LMO7: variants seen among roughly 807,000 people sequenced by gnomAD.
The protein encoded by LMO7 is LIM domain only protein 7.
A neutral mutation model predicts 206.5 loss-of-function variants in LMO7; 120 were observed. That is an observed-to-expected ratio of 0.58 (90% CI 0.50 to 0.68). LMO7 has a LOEUF of 0.68. Ranked by LOEUF, LMO7 falls within the 30% of genes least tolerant of loss-of-function variation. The pLI, the probability that LMO7 is intolerant of heterozygous loss-of-function variation, is 0.00. For missense variants in LMO7, 1,959 were observed against 1,957.9 expected (o/e 1.00, Z -0.01); for synonymous variants, 706 against 681.5 (o/e 1.04, Z -0.56).
intron 6 of LMO7, among the ~76,000 whole-genome samples, chr13:75,799,208 G>A (rs1242354204): frequency 1.3e-5 from 2 of 152,126 alleles, no homozygotes; most frequent in African/African-American, 4.8e-5. Context: ...ATGAATTGAC[G>A]GTATTAGATC....
chr13:75,798,090 G>A (rs935787515), intron 6 of LMO7, among the ~76,000 whole-genome samples: 1 of 152,182 alleles, frequency 6.6e-6, no homozygotes, highest in Non-Finnish European at 1.5e-5. Context: ...TATGTGGGGG[G>A]CTGGGCACAG....
chr13:75,760,362 T>G (rs2048055058), intron 3 of LMO7: 4 of 1,010,740 alleles, frequency 4.0e-6, no homozygotes, highest in Non-Finnish European at 4.7e-6. Context: ...ACTAGGTTTC[T>G]CCTCAGTCCT....
chr13:75,686,544 T>TTTG (rs398023481), intron 1 of LMO7, among the ~76,000 whole-genome samples: 1 of 150,990 alleles, frequency 6.6e-6, no homozygotes, highest in Non-Finnish European at 1.5e-5. Context: ...TTTTTTTTTT[T>TTTG]AAACTCTCTG....
At chr13:75,707,517 A>T (rs1570553) in intron 1 of LMO7, among the ~76,000 whole-genome samples, 1 of 152,004 alleles carries the variant, frequency 6.6e-6, no homozygotes, top group Non-Finnish European at 1.5e-5. Flanking sequence ...ACAGAACGCC[A>T]TGAAACAATT....
chr13:75,735,635 T>A (rs996329012), intron 3 of LMO7, among the ~76,000 whole-genome samples: 4 of 151,418 alleles, frequency 2.6e-5, no homozygotes, highest in African/African-American at 4.8e-5. Flanking sequence ...CTAATTTTTT[T>A]TTTTTTTTGT....
chr13:75,718,493 A>C (rs1480849476), intron 2 of LMO7, among the ~76,000 whole-genome samples: 21 of 152,216 alleles, frequency 1.4e-4, no homozygotes, highest in Admixed American at 1.4e-3. Flanking sequence ...TTTTAAAAGA[A>C]CAGTTTTGGG....
intron 2 of LMO7, among the ~76,000 whole-genome samples, chr13:75,629,345 G>C (rs762524472): frequency 7.2e-5 from 11 of 152,038 alleles, no homozygotes; most frequent in Admixed American, 3.3e-4. Context: ...ACCAAGCCAG[G>C]CACTCTTAAA....
At chr13:75,786,361 C>G (rs567874225) in intron 4 of LMO7, among the ~76,000 whole-genome samples, 42 of 151,630 alleles carry the variant, frequency 2.8e-4, no homozygotes, top group African/African-American at 9.9e-4. Flanking sequence ...CCACTTCTCT[C>G]TCTACTTATT....
chr13:75,703,141 C>G (rs1413044337), intron 1 of LMO7, among the ~76,000 whole-genome samples: 1 of 152,174 alleles, frequency 6.6e-6, no homozygotes, highest in Non-Finnish European at 1.5e-5. Context: ...AAAACACAAC[C>G]AACTCCCTCA....
At chr13:75,702,113 T>C (rs754064993) in intron 1 of LMO7, among the ~76,000 whole-genome samples, 16 of 152,298 alleles carry the variant, frequency 1.1e-4, no homozygotes, top group East Asian at 1.9e-4. Flanking sequence ...CTTTTTTTTT[T>C]CCCTCAAAAT....
At chr13:75,699,324 A>C (rs1408999569) in intron 1 of LMO7, among the ~76,000 whole-genome samples, 2 of 152,120 alleles carry the variant, frequency 1.3e-5, no homozygotes, top group Non-Finnish European at 2.9e-5. Flanking sequence ...CACTGTGGTC[A>C]TAAGTTTTGC....
chr13:75,733,351 T>A (rs2045465539), intron 3 of LMO7, among the ~76,000 whole-genome samples: 1 of 152,194 alleles, frequency 6.6e-6, no homozygotes, highest in Non-Finnish European at 1.5e-5. Context: ...TCCCCCAGCC[T>A]CACTGCTGCC....
At chr13:75,857,027 T>C (rs2061016168) in intron 30 of LMO7, 1 of 154,732 alleles carries the variant, frequency 6.5e-6, no homozygotes, top group Admixed American at 6.4e-5. Context: ...TGATTTAGAA[T>C]ATGACCAACT....
chr13:75,831,225 T>C (rs565458202), intron 15 of LMO7, among the ~76,000 whole-genome samples: 1 of 152,326 alleles, frequency 6.6e-6, no homozygotes, highest in Non-Finnish European at 1.5e-5. Flanking sequence ...GGCTTTCTGC[T>C]GAAAGCTAAA....
intron 27 of LMO7, among the ~76,000 whole-genome samples, chr13:75,850,602 G>A (rs566057423): frequency 6.6e-6 from 1 of 152,264 alleles, no homozygotes; most frequent in African/African-American, 2.4e-5. Context: ...TACATAATAT[G>A]CCACCTCCAA....
At chr13:75,726,956 G>A in intron 2 of LMO7, 73 bp from the exon 3 acceptor site, 2 of 834,666 alleles carry the variant, frequency 2.4e-6, no homozygotes, top group Middle Eastern at 3.3e-4. Flanking sequence ...TGATATATGT[G>A]ATTTTTGAGA....
rs753905905 is a variant in LMO7, at chr13:75,761,060, G to T, written c.317+22G>T. ...TCAAGTAAGTTTCAACAGTTTGTTAGATATATATATATATATTTAAACTTA... is the reference window on the plus strand; with the variant it reads ...TCAAGTAAGTTTCAACAGTTTGTTATATATATATATATATATTTAAACTTA... On this transcript the variant is annotated intron_variant, in intron 4 of 30. Transcript: ENST00000377534. The T allele has an allele frequency of 5.2e-6, 6 of 1,159,376 alleles. No individual in the cohort carries two copies. The South Asian group carries it at 5.9e-5, about 11-fold the overall frequency. 71.8% of individuals were successfully genotyped at this position (1,159,376 alleles called of 1,614,324 possible). A position where few individuals can be genotyped will look rare whatever the true frequency, so the allele number is the denominator to read the frequency against.
rs1285865891 is a variant in LMO7 at position 75,835,265 on chromosome 13, T to G, written c.3259T>G (p.Ser1087Ala). ...TGAAACAAAGTGGATTGATGCAACT[T>G]CTGGAATTTACAACTCAGAAAAATC... ...SPETKWIDAT[S>A]GIYNSEKSSN... The change falls in exon 18 of 31, where the codon TCT becomes GCT. Residue 1087 changes from serine to alanine, a missense_variant. Physicochemically the swap from Ser to Ala is moderately conservative, Grantham distance 99. Coordinates refer to ENST00000377534, the MANE Select transcript of LMO7 (RefSeq NM_001306080.2). 6.2e-7 allele frequency: 1 copy of G among 1,612,014 alleles called. No homozygotes were observed. The highest frequency in any genetic ancestry group is 1.3e-5 in the African/African-American group (1 of 74,898).
At chr13:75,737,913 C>A (rs1485664586) in intron 3 of LMO7, among the ~76,000 whole-genome samples, 1 of 139,858 alleles carries the variant, frequency 7.2e-6, no homozygotes, top group Admixed American at 7.2e-5. Context: ...TTCCCCATTT[C>A]CAGCAGAATT....
Sources: gnomAD v4.1 joint callset for allele counts (sites outside exome capture counted in the v4.1 genomes callset) on GRCh38, gnomAD v4.1.1 for gene constraint, MANE v1.5 for transcripts, NCBI Gene and HGNC (gene_info 2026-07-23, HGNC 2026-07-21) for gene names.